DOK6: variants seen among roughly 807,000 people sequenced by gnomAD.
DOK6 encodes downstream of tyrosine kinase 6.
A neutral mutation model predicts 44.0 loss-of-function variants in DOK6; 22 were observed. That is an observed-to-expected ratio of 0.50 (90% CI 0.36 to 0.71). The LOEUF is 0.71. Among genes scored for constraint, DOK6 ranks in the 30% least tolerant of loss-of-function variants. The pLI, the probability that DOK6 is intolerant of heterozygous loss-of-function variation, is 0.00. For synonymous variants in DOK6, 166 were observed against 145.5 expected (o/e 1.14, Z -1.01); for missense variants, 340 against 416.4 (o/e 0.82, Z 1.60).
intron 1 of DOK6, among the ~76,000 whole-genome samples, chr18:69,406,228 A>G (rs1230753950): frequency 6.6e-6 from 1 of 152,144 alleles, no homozygotes; most frequent in Non-Finnish European, 1.5e-5. Context: ...CCCAATCCCT[A>G]TATTTTGCAT....
chr18:69,650,919 C>T (rs763159013), intron 3 of DOK6, among the ~76,000 whole-genome samples: 6 of 152,182 alleles, frequency 3.9e-5, no homozygotes, highest in Non-Finnish European at 7.3e-5. Flanking sequence ...TTATTCATTG[C>T]AGCATCTAAA....
intron 1 of DOK6, among the ~76,000 whole-genome samples, chr18:69,517,696 A>G (rs1411865768): frequency 6.7e-6 from 1 of 149,240 alleles, no homozygotes; most frequent in African/African-American, 2.4e-5. Flanking sequence ...AATTGTATAC[A>G]ATCTGTATTC....
intron 7 of DOK6, among the ~76,000 whole-genome samples, chr18:69,829,771 GAA>G (rs530182151): frequency 7.0e-6 from 1 of 143,208 alleles, no homozygotes; most frequent in Non-Finnish European, 1.5e-5. Context: ...CTTTCTATAG[GAA>G]AAAAAAAAAG....
At chr18:69,800,800 C>T (rs1195117058) in intron 7 of DOK6, among the ~76,000 whole-genome samples, 2 of 152,080 alleles carry the variant, frequency 1.3e-5, no homozygotes, top group Non-Finnish European at 2.9e-5. Flanking sequence ...GAATTTTATT[C>T]TTCAAGAAAT....
At chr18:69,594,499 T>G (rs1249431777) in intron 2 of DOK6, among the ~76,000 whole-genome samples, 4 of 151,684 alleles carry the variant, frequency 2.6e-5, no homozygotes, top group Non-Finnish European at 5.9e-5. Flanking sequence ...AGCTAAAGCC[T>G]TTCCTTTAAG....
At chr18:69,448,151 A>G (rs1979350188) in intron 1 of DOK6, among the ~76,000 whole-genome samples, 1 of 152,214 alleles carries the variant, frequency 6.6e-6, no homozygotes, top group Non-Finnish European at 1.5e-5. Context: ...ACAACTTAAA[A>G]TGCCACAGTG....
In DOK6 at chr18:69,460,661, T is replaced by C. The variant is rs550736502; in HGVS notation, c.66+59351T>C. On this transcript the variant is annotated intron_variant, in intron 1 of 7. Coordinates refer to ENST00000382713, the MANE Select transcript of DOK6 (RefSeq NM_152721.6). ...TTGATATCTGGCAAACTCATTGGTA[T>C]GGTAAATTTATATAATCAGTTATGT... 5.9e-5 allele frequency among the ~76,000 whole-genome samples: 9 copies of C among 152,342 alleles called. No homozygotes were observed. The South Asian group carries it at 1.9e-3, about 32-fold the overall frequency.
intron 1 of DOK6, among the ~76,000 whole-genome samples, chr18:69,477,445 A>G (rs1778060314): frequency 6.6e-6 from 1 of 152,232 alleles, no homozygotes; most frequent in South Asian, 2.1e-4. Context: ...TTTGTTTGCC[A>G]TAGCAATGGA....
chr18:69,693,730 C>T (rs1458215573), intron 4 of DOK6, among the ~76,000 whole-genome samples: 1 of 152,080 alleles, frequency 6.6e-6, no homozygotes, highest in Admixed American at 6.6e-5. Flanking sequence ...CAGTCTCAGA[C>T]TCACAGCTAT....
At chr18:69,509,496 G>T (rs935362783) in intron 1 of DOK6, among the ~76,000 whole-genome samples, 2 of 151,916 alleles carry the variant, frequency 1.3e-5, no homozygotes, top group African/African-American at 4.8e-5. Flanking sequence ...AAATTAGCCG[G>T]GCGTGGTGGC....
intron 5 of DOK6, among the ~76,000 whole-genome samples, chr18:69,704,272 G>A (rs1456605662): frequency 1.3e-5 from 2 of 152,216 alleles, no homozygotes; most frequent in African/African-American, 4.8e-5. Context: ...TAGGGAGTAT[G>A]TGGAATATTT....
chr18:69,455,577 G>A (rs1465508141), intron 1 of DOK6, among the ~76,000 whole-genome samples: 1 of 152,108 alleles, frequency 6.6e-6, no homozygotes, highest in Non-Finnish European at 1.5e-5. Context: ...CATATGCATT[G>A]AAATTGTGTG....
At chr18:69,455,460 C>G (rs907549239) in intron 1 of DOK6, among the ~76,000 whole-genome samples, 4 of 152,170 alleles carry the variant, frequency 2.6e-5, no homozygotes, top group Admixed American at 2.6e-4. Flanking sequence ...ATAAAGTGAA[C>G]ATTGACTCAA....
chr18:69,840,974 C>G (rs1291169189), intron 7 of DOK6, among the ~76,000 whole-genome samples: 2 of 152,170 alleles, frequency 1.3e-5, no homozygotes, highest in African/African-American at 2.4e-5. Flanking sequence ...GAAAATCTAC[C>G]TAGCTCTCTG....
At chr18:69,527,396 C>T (rs1428272273) in intron 1 of DOK6, among the ~76,000 whole-genome samples, 1 of 152,156 alleles carries the variant, frequency 6.6e-6, no homozygotes, top group Admixed American at 6.5e-5. Flanking sequence ...ATGTTCTTTT[C>T]ACATGGCAGC....
At chr18:69,566,484 T>C (rs1982987126) in intron 2 of DOK6, among the ~76,000 whole-genome samples, 1 of 152,118 alleles carries the variant, frequency 6.6e-6, no homozygotes, top group Non-Finnish European at 1.5e-5. Context: ...TCAAGAAGCA[T>C]TATTATGTTA....
In DOK6 at chr18:69,401,148, C is replaced by T. The variant is rs934476000; in HGVS notation, c.-97C>T. The T allele has an allele frequency of 2.4e-5, 30 of 1,262,854 alleles. No homozygotes were observed. The African/African-American group carries it at 3.6e-4, about 15-fold the overall frequency. The allele number at this position is 1,262,854 out of a possible 1,614,324, so 78.2% of individuals were successfully genotyped here. On this transcript the variant is annotated 5_prime_UTR_variant, in exon 1 of 8. Transcript: ENST00000382713. ...GCGGCGGCGCTGCTGCTGGCGGCGG[C>T]CGGCTGGATGCGAGACCCGCGCAGA...
intron 1 of DOK6, among the ~76,000 whole-genome samples, chr18:69,547,273 G>A (rs1982433542): frequency 6.6e-6 from 1 of 150,394 alleles, no homozygotes; most frequent in African/African-American, 2.5e-5. Flanking sequence ...GCTAATTTTT[G>A]TATTTTTAGT....
intron 1 of DOK6, among the ~76,000 whole-genome samples, chr18:69,518,765 T>C (rs1981604521): frequency 6.6e-6 from 1 of 152,158 alleles, no homozygotes. Context: ...GTTAAAATCA[T>C]GCTATGTAAA....
Sources: allele counts gnomAD v4.1 joint callset (sites outside exome capture counted in the v4.1 genomes callset), GRCh38; gene constraint gnomAD v4.1.1; transcripts MANE v1.5; gene names NCBI Gene and HGNC (gene_info 2026-07-23, HGNC 2026-07-21).